RBPMS: variants seen among roughly 807,000 people sequenced by gnomAD.
The protein encoded by RBPMS is RNA-binding protein with multiple splicing.
RBPMS carries 7 observed loss-of-function variants against 26.8 expected under a neutral mutation model. That is an observed-to-expected ratio of 0.26 (90% CI 0.15 to 0.49). RBPMS has a LOEUF of 0.49. Ranked by LOEUF, RBPMS falls within the 20% of genes least tolerant of loss-of-function variation. The pLI, the probability that RBPMS is intolerant of heterozygous loss-of-function variation, is 0.98. For missense variants in RBPMS, 186 were observed against 250.0 expected, an observed-to-expected ratio of 0.74 and a Z score of 1.73; for synonymous variants, 96 against 93.3, an observed-to-expected ratio of 1.03 and a Z score of -0.17.
At chr8:30,430,917 C>G (rs1811855957) in intron 1 of RBPMS, among the ~76,000 whole-genome samples, 1 of 152,192 alleles carries the variant, frequency 6.6e-6, no homozygotes, top group Non-Finnish European at 1.5e-5. Context: ...ACGAATAAAA[C>G]AAGGCCTTCT....
intron 1 of RBPMS, among the ~76,000 whole-genome samples, chr8:30,420,757 A>G (rs1352152416): frequency 1.3e-5 from 2 of 152,216 alleles, no homozygotes; most frequent in East Asian, 1.9e-4. Context: ...CTTGAATAAA[A>G]TGAGAAAAGG....
At chr8:30,440,400 C>T (rs748027313) in intron 1 of RBPMS, among the ~76,000 whole-genome samples, 4 of 152,180 alleles carry the variant, frequency 2.6e-5, no homozygotes, top group Non-Finnish European at 1.5e-5. Context: ...CTCCCTTTTT[C>T]TATGGATTTG....
At chr8:30,551,272 G>T (rs967088658) in intron 6 of RBPMS, among the ~76,000 whole-genome samples, 1 of 152,174 alleles carries the variant, frequency 6.6e-6, no homozygotes, top group African/African-American at 2.4e-5. Flanking sequence ...GTGTTCTTTT[G>T]TCCAGAACTG....
chr8:30,479,298 C>G lies in RBPMS; in HGVS notation c.184-17C>G. ...CATCTGATTTTTTTTCTTCATATTT[C>G]TCTTTTTTTTTCTCAGCCTGTAGGT... On this transcript the variant is annotated splice_polypyrimidine_tract_variant and intron_variant, in intron 3 of 8. Transcript: ENST00000397323. The G allele has an allele frequency of 6.2e-7, 1 of 1,603,308 alleles. No homozygotes were observed. Among genetic ancestry groups the G allele is most frequent in the Non-Finnish European group, 8.5e-7 (1 of 1,171,538 alleles).
At chr8:30,495,058 A>T (rs1357674306) in intron 4 of RBPMS, among the ~76,000 whole-genome samples, 1 of 152,208 alleles carries the variant, frequency 6.6e-6, no homozygotes, top group Non-Finnish European at 1.5e-5. Context: ...TGAGGATGAG[A>T]TTAGGCTTCT....
chr8:30,503,286 T>C (rs1233821857), intron 4 of RBPMS, among the ~76,000 whole-genome samples: 1 of 152,188 alleles, frequency 6.6e-6, no homozygotes, highest in African/African-American at 2.4e-5. Context: ...AGTCTAGCTC[T>C]GTCACCCAGG....
intron 6 of RBPMS, among the ~76,000 whole-genome samples, chr8:30,546,476 G>A (rs1038321157): frequency 2.0e-5 from 3 of 152,192 alleles, no homozygotes; most frequent in Admixed American, 6.5e-5. Flanking sequence ...AGAGTCTCAA[G>A]AGATTAGAAA....
At chr8:30,501,453 A>C (rs1820549144) in intron 4 of RBPMS, among the ~76,000 whole-genome samples, 1 of 152,138 alleles carries the variant, frequency 6.6e-6, no homozygotes, top group African/African-American at 2.4e-5. Flanking sequence ...GTTGTTTCTC[A>C]GCAGTGTCCT....
Position 30,389,924 on chromosome 8 carries a change from A to G in RBPMS, c.66+4766A>G, listed in dbSNP as rs140960793. 1.4e-3 allele frequency among the ~76,000 whole-genome samples: 220 copies of G among 152,320 alleles called. 3 individuals are homozygous for G. The highest frequency in any genetic ancestry group is 6.8e-3 in the Middle Eastern group (2 of 292). On this transcript the variant is annotated intron_variant, in intron 1 of 8. Coordinates refer to ENST00000397323, the MANE Select transcript of RBPMS (RefSeq NM_001008710.3). ...GGCCACCGTGCTCTCTAAAGGCTGG[A>G]GAGGAGAACCTGTCCTTACCTCTTT...
chr8:30,551,437 A>G (rs984890424), intron 6 of RBPMS, among the ~76,000 whole-genome samples: 3 of 152,192 alleles, frequency 2.0e-5, no homozygotes, highest in African/African-American at 7.2e-5. Flanking sequence ...AGTATTATTC[A>G]GGATTGCCAG....
At chr8:30,442,275 A>C (rs942891797) in intron 1 of RBPMS, among the ~76,000 whole-genome samples, 3 of 152,142 alleles carry the variant, frequency 2.0e-5, no homozygotes, top group Non-Finnish European at 2.9e-5. Context: ...GGCAAACTTA[A>C]GCCAAAATAT....
chr8:30,557,878 T>C (rs931159245), intron 6 of RBPMS, among the ~76,000 whole-genome samples: 1 of 152,218 alleles, frequency 6.6e-6, no homozygotes, highest in Admixed American at 6.5e-5. Flanking sequence ...TTTTGTTTCT[T>C]GTTTGTTTTG....
intron 4 of RBPMS, among the ~76,000 whole-genome samples, chr8:30,496,838 G>A (rs372034088): frequency 7.2e-5 from 11 of 152,244 alleles, no homozygotes; most frequent in South Asian, 6.2e-4. Flanking sequence ...ACCCAGATGC[G>A]GGTTTATCTG....
At chr8:30,537,024 G>A (rs559953692) in intron 5 of RBPMS, among the ~76,000 whole-genome samples, 1 of 152,264 alleles carries the variant, frequency 6.6e-6, no homozygotes, top group East Asian at 1.9e-4. Flanking sequence ...GACTTTCCTG[G>A]GGAAACTCTG....
intron 5 of RBPMS, among the ~76,000 whole-genome samples, chr8:30,512,746 A>G (rs902454350): frequency 6.6e-6 from 1 of 152,346 alleles, no homozygotes; most frequent in South Asian, 2.1e-4. Context: ...GCCACTGACC[A>G]TACTATACTT....
intron 5 of RBPMS, among the ~76,000 whole-genome samples, chr8:30,530,799 A>G (rs147293450): frequency 5.9e-5 from 9 of 152,214 alleles, no homozygotes; most frequent in East Asian, 5.8e-4. Flanking sequence ...TATCTTTTCA[A>G]TTATGACAAC....
intron 7 of RBPMS, chr8:30,564,336 G>A (rs1827731070): frequency 6.6e-6 from 1 of 152,254 alleles, no homozygotes; most frequent in Non-Finnish European, 1.5e-5. Context: ...CACTGGGAGA[G>A]TGTGCAGGGC....
At chr8:30,563,066 G>A (rs1338398052) in intron 7 of RBPMS, among the ~76,000 whole-genome samples, 1 of 152,200 alleles carries the variant, frequency 6.6e-6, no homozygotes, top group Non-Finnish European at 1.5e-5. Flanking sequence ...TACAGGAGAG[G>A]GAGTTACTGC....
intron 6 of RBPMS, among the ~76,000 whole-genome samples, chr8:30,550,687 C>T (rs933122464): frequency 6.6e-6 from 1 of 152,200 alleles, no homozygotes; most frequent in Non-Finnish European, 1.5e-5. Context: ...ATTGACAGCA[C>T]CTGCCCTGCT....
Sources: gnomAD v4.1 joint callset for allele counts (sites outside exome capture counted in the v4.1 genomes callset) on GRCh38, gnomAD v4.1.1 for gene constraint, MANE v1.5 for transcripts, NCBI Gene and HGNC (gene_info 2026-07-23, HGNC 2026-07-21) for gene names.